Variants in GPATCH8 observed in about 807,000 individuals in gnomAD.
GPATCH8 encodes the protein G patch domain-containing protein 8.
In GPATCH8, 18 loss-of-function variants were observed where a neutral mutation model predicts 118.3. That is an observed-to-expected ratio of 0.15 (90% CI 0.11 to 0.23). The LOEUF is 0.23. GPATCH8 is among the 10% of genes least tolerant of loss of function. The pLI is 1.00. For missense variants in GPATCH8, 1,631 were observed against 1,873.8 expected (o/e 0.87, Z 2.39); for synonymous variants, 659 against 684.7 (o/e 0.96, Z 0.59).
At chr17:44,489,057 C>A (rs568510221) in intron 1 of GPATCH8, among the ~76,000 whole-genome samples, 32 of 151,664 alleles carry the variant, frequency 2.1e-4, no homozygotes, top group African/African-American at 7.5e-4. Flanking sequence ...AGACTCCCAT[C>A]TCAAAAAAAA....
intron 1 of GPATCH8, 63 bp downstream of exon 1, chr17:44,503,263 G>A (rs1222531618): frequency 6.4e-6 from 9 of 1,398,230 alleles, no homozygotes; most frequent in South Asian, 2.4e-5. Context: ...GGGAGCCGGA[G>A]ATGAAGGAGG....
At chr17:44,488,460 C>T (rs1968966593) in intron 1 of GPATCH8, among the ~76,000 whole-genome samples, 1 of 151,858 alleles carries the variant, frequency 6.6e-6, no homozygotes, top group Non-Finnish European at 1.5e-5. Context: ...CCTTCGCCCC[C>T]TGGGTTCAAG....
intron 3 of GPATCH8, among the ~76,000 whole-genome samples, chr17:44,461,012 A>G (rs2051524401): frequency 6.6e-6 from 1 of 152,236 alleles, no homozygotes; most frequent in South Asian, 2.1e-4. Context: ...TTAATGTTGG[A>G]AACAGAATAA....
intron 3 of GPATCH8, among the ~76,000 whole-genome samples, chr17:44,450,330 A>T (rs1425206313): frequency 2.6e-5 from 4 of 152,238 alleles, no homozygotes; most frequent in Non-Finnish European, 5.9e-5. Flanking sequence ...CTGAGATTAT[A>T]ATCTTAGGTG....
intron 6 of GPATCH8, among the ~76,000 whole-genome samples, chr17:44,407,905 C>G (rs1483913591): frequency 6.6e-6 from 1 of 152,138 alleles, no homozygotes; most frequent in Non-Finnish European, 1.5e-5. Flanking sequence ...GATCTACCTG[C>G]CTCGGCCTCC....
At chr17:44,501,534 C>T (rs949324734) in intron 1 of GPATCH8, among the ~76,000 whole-genome samples, 2 of 152,074 alleles carry the variant, frequency 1.3e-5, no homozygotes, top group African/African-American at 4.8e-5. Context: ...AAACCAAAAT[C>T]GGGTTTTGCA....
At chr17:44,448,294 A>G (rs890629181) in intron 3 of GPATCH8, among the ~76,000 whole-genome samples, 1 of 152,134 alleles carries the variant, frequency 6.6e-6, no homozygotes, top group Non-Finnish European at 1.5e-5. Flanking sequence ...ATGGTGGCTC[A>G]CGCCTATAAT....
At chr17:44,484,087 G>A (rs1007746486) in intron 1 of GPATCH8, among the ~76,000 whole-genome samples, 7 of 152,074 alleles carry the variant, frequency 4.6e-5, no homozygotes, top group Admixed American at 3.3e-4. Flanking sequence ...TGATCCGCCC[G>A]CCTCGGACTT....
chr17:44,464,933 A>AT (rs542413358), intron 2 of GPATCH8: 3,318 of 165,714 alleles, frequency 0.02, 65 homozygotes, highest in African/African-American at 0.056. Flanking sequence ...CCACTTTAAG[A>AT]TTTTTTTTTT....
intron 2 of GPATCH8, among the ~76,000 whole-genome samples, chr17:44,466,474 T>C (rs1356277588): frequency 6.6e-6 from 1 of 152,214 alleles, no homozygotes. Flanking sequence ...TCCCAAGCAC[T>C]GACTTCCACA....
intron 3 of GPATCH8, among the ~76,000 whole-genome samples, chr17:44,450,372 C>A (rs2051068256): frequency 6.6e-6 from 1 of 152,202 alleles, no homozygotes; most frequent in Admixed American, 6.5e-5. Flanking sequence ...CACAGCAAAA[C>A]TCACACCACT....
intron 1 of GPATCH8, among the ~76,000 whole-genome samples, chr17:44,502,740 C>A (rs1327243553): frequency 6.6e-6 from 1 of 152,196 alleles, no homozygotes; most frequent in East Asian, 1.9e-4. Flanking sequence ...AGCCTAATAA[C>A]AGCAACACTT....
At chr17:44,403,144 C>T (rs1406170224) in intron 7 of GPATCH8, among the ~76,000 whole-genome samples, 1 of 152,054 alleles carries the variant, frequency 6.6e-6, no homozygotes, top group Admixed American at 6.6e-5. Flanking sequence ...GGTGCGATCT[C>T]GGCTCACTGC....
intron 6 of GPATCH8, among the ~76,000 whole-genome samples, chr17:44,420,370 A>G (rs904432471): frequency 6.6e-6 from 1 of 152,220 alleles, no homozygotes; most frequent in African/African-American, 2.4e-5. Context: ...TATATATACG[A>G]AAGTTTTTAA....
At chr17:44,482,586 A>C (rs946977421) in intron 1 of GPATCH8, among the ~76,000 whole-genome samples, 13 of 151,856 alleles carry the variant, frequency 8.6e-5, no homozygotes, top group Non-Finnish European at 1.3e-4. Flanking sequence ...AAAAAAAAAA[A>C]AAAAAACCAA....
chr17:44,402,818 C>A (rs1288807609), intron 7 of GPATCH8, among the ~76,000 whole-genome samples: 1 of 152,166 alleles, frequency 6.6e-6, no homozygotes, highest in African/African-American at 2.4e-5. Flanking sequence ...GTGGCAGTTT[C>A]TGGGCATTCA....
At chr17:44,482,636 C>T (rs184342310) in intron 1 of GPATCH8, among the ~76,000 whole-genome samples, 136 of 150,360 alleles carry the variant, frequency 9.0e-4, no homozygotes, top group African/African-American at 3.1e-3. Flanking sequence ...CAGCAAACCA[C>T]CATGGTACAT....
chr17:44,399,163 G>A lies in GPATCH8; in HGVS notation c.2914C>T (p.Arg972Trp), dbSNP rs772340447. The A allele has an allele frequency of 3.1e-5, 50 of 1,608,846 alleles. No individual in the cohort carries two copies. Among genetic ancestry groups the A allele is most frequent in the Middle Eastern group, 1.6e-4 (1 of 6,080 alleles). The change falls in exon 8 of 8, where the codon CGG (arginine) becomes TGG (tryptophan). Residue 972 changes from arginine to tryptophan, a missense_variant. Physicochemically the swap from Arg to Trp is moderately radical, Grantham distance 101. Transcript: ENST00000591680. ...TGGGCTGTGGTGCTACGGCTTCTCC[G>A]CTTGCTTCGACTACGACTACAACTG... ...SSSCSRSRSK[R>W]RSRSTTAHSW...
intron 3 of GPATCH8, chr17:44,436,746 A>AT: frequency 1.6e-6 from 1 of 611,584 alleles, no homozygotes; most frequent in Non-Finnish European, 2.9e-6. Context: ...ACCTTGGCTG[A>AT]CGTCCAGTTG....
Sources: allele counts gnomAD v4.1 joint callset (sites outside exome capture counted in the v4.1 genomes callset), GRCh38; gene constraint gnomAD v4.1.1; transcripts MANE v1.5; gene names NCBI Gene and HGNC (gene_info 2026-07-23, HGNC 2026-07-21).